Variants in ZNF804B observed in about 807,000 individuals in gnomAD.
ZNF804B encodes the protein zinc finger protein 804B, also known as zinc finger 804B.
A neutral mutation model predicts 101.4 loss-of-function variants in ZNF804B; 80 were observed. That is an observed-to-expected ratio of 0.79 (90% CI 0.66 to 0.95). ZNF804B has a LOEUF of 0.95. Ranked by LOEUF, ZNF804B falls within the 40% of genes least tolerant of loss-of-function variation. The pLI is 0.00. For synonymous variants in ZNF804B, 622 were observed against 558.8 expected, an observed-to-expected ratio of 1.11 and a Z score of -1.59; for missense variants, 1,673 against 1,561.9, an observed-to-expected ratio of 1.07 and a Z score of -1.20.
intron 1 of ZNF804B, among the ~76,000 whole-genome samples, chr7:88,924,378 C>G (rs928822028): frequency 2.0e-5 from 3 of 152,032 alleles, no homozygotes; most frequent in Non-Finnish European, 2.9e-5. Flanking sequence ...TTCCCTGTGT[C>G]TGATTTTCCT....
At chr7:88,990,282 A>T (rs1385746153) in intron 1 of ZNF804B, among the ~76,000 whole-genome samples, 1 of 152,006 alleles carries the variant, frequency 6.6e-6, no homozygotes, top group Non-Finnish European at 1.5e-5. Context: ...TTACATAATT[A>T]TTATGAATTA....
intron 2 of ZNF804B, among the ~76,000 whole-genome samples, chr7:89,236,051 A>G (rs535578522): frequency 9.9e-5 from 15 of 152,184 alleles, no homozygotes; most frequent in Non-Finnish European, 2.2e-4. Flanking sequence ...ACATCAAGTT[A>G]TAATGCTTAG....
intron 1 of ZNF804B, among the ~76,000 whole-genome samples, chr7:88,802,477 G>C (rs1396890289): frequency 6.7e-6 from 1 of 149,772 alleles, no homozygotes; most frequent in Non-Finnish European, 1.5e-5. Flanking sequence ...ACTAATTGTA[G>C]TAAAGTTTCC....
chr7:88,773,791 AG>A (rs1790104248), intron 1 of ZNF804B, among the ~76,000 whole-genome samples: 2 of 151,984 alleles, frequency 1.3e-5, no homozygotes, highest in Non-Finnish European at 2.9e-5. Context: ...TGGCCAGAAC[AG>A]GGGCAAGAAA....
chr7:88,795,352 T>TA (rs1790463107), intron 1 of ZNF804B, among the ~76,000 whole-genome samples: 1 of 150,280 alleles, frequency 6.7e-6, no homozygotes, highest in Non-Finnish European at 1.5e-5. Flanking sequence ...TCTATAACTT[T>TA]TAAAAAAAAA....
rs115225734 is a variant in ZNF804B, at chr7:88,923,493, A to C, written c.108+163409A>C. Among the ~76,000 whole-genome samples the C allele has an allele frequency of 2.6e-3, 399 of 152,276 alleles. 1 individual carries two copies. Among genetic ancestry groups the C allele is most frequent in the African/African-American group, 9.1e-3 (380 of 41,572 alleles). On this transcript the variant is annotated intron_variant, in intron 1 of 3. Transcript: ENST00000333190. ...ATGAAGACTGTGTTTATCAAAGACA[A>C]AGTAACTGATTCAACTTGTTCAAAA...
intron 1 of ZNF804B, among the ~76,000 whole-genome samples, chr7:88,851,359 A>G (rs968958491): frequency 1.3e-5 from 2 of 152,116 alleles, no homozygotes; most frequent in Non-Finnish European, 2.9e-5. Flanking sequence ...AAAAGAAGTG[A>G]TAAAATCTTA....
At chr7:88,926,477 C>G (rs1276189232) in intron 1 of ZNF804B, among the ~76,000 whole-genome samples, 4 of 150,448 alleles carry the variant, frequency 2.7e-5, no homozygotes, top group Non-Finnish European at 5.9e-5. Flanking sequence ...TGCCTGTAGT[C>G]CCAGTTACTC....
intron 1 of ZNF804B, among the ~76,000 whole-genome samples, chr7:89,104,332 T>G (rs71557026): frequency 0.094 from 14,362 of 152,084 alleles, 1,104 homozygotes; most frequent in African/African-American, 0.21. Context: ...TTCATACACC[T>G]GGTAAAATTC....
intron 1 of ZNF804B, among the ~76,000 whole-genome samples, chr7:89,016,912 A>G (rs1788573750): frequency 6.6e-6 from 1 of 152,204 alleles, no homozygotes; most frequent in Admixed American, 6.6e-5. Context: ...CATTGAATCT[A>G]TAAATTACCT....
At chr7:89,074,026 TG>T (rs1789580661) in intron 1 of ZNF804B, among the ~76,000 whole-genome samples, 1 of 152,026 alleles carries the variant, frequency 6.6e-6, no homozygotes, top group South Asian at 2.1e-4. Context: ...TTATAGAGGA[TG>T]GGGTGGGAGG....
chr7:88,792,010 T>C (rs1790389372), intron 1 of ZNF804B, among the ~76,000 whole-genome samples: 1 of 152,074 alleles, frequency 6.6e-6, no homozygotes, highest in African/African-American at 2.4e-5. Context: ...TGATAGGGGC[T>C]GTTGGCTGCG....
intron 2 of ZNF804B, among the ~76,000 whole-genome samples, chr7:89,290,856 T>C (rs188776684): frequency 7.2e-5 from 11 of 152,268 alleles, no homozygotes; most frequent in African/African-American, 2.6e-4. Flanking sequence ...CTGTGCTGGC[T>C]TCAAGTAAGA....
chr7:88,783,936 T>G (rs1790264486), intron 1 of ZNF804B, among the ~76,000 whole-genome samples: 1 of 152,176 alleles, frequency 6.6e-6, no homozygotes, highest in South Asian at 2.1e-4. Flanking sequence ...ATACATTTAA[T>G]GAATATACAT....
At chr7:88,894,950 C>T (rs1046015021) in intron 1 of ZNF804B, among the ~76,000 whole-genome samples, 4 of 152,034 alleles carry the variant, frequency 2.6e-5, no homozygotes, top group African/African-American at 9.7e-5. Context: ...TTAAAAACTT[C>T]TAGAACTCTA....
At chr7:88,840,631 T>C (rs1166572524) in intron 1 of ZNF804B, among the ~76,000 whole-genome samples, 1 of 152,172 alleles carries the variant, frequency 6.6e-6, no homozygotes, top group African/African-American at 2.4e-5. Flanking sequence ...TTAAACCATT[T>C]TCTATCAGAT....
chr7:89,337,953 A>C lies in ZNF804B; in HGVS notation c.*921A>C, dbSNP rs1376529561. On this transcript the variant is annotated 3_prime_UTR_variant, in exon 4 of 4. Coordinates refer to ENST00000333190, the MANE Select transcript of ZNF804B (RefSeq NM_181646.5). Reference sequence around the variant, plus strand: ...GGTTTGAAAATGTCAGTGTTTTTACATGTTTATTGAGGATATCTTATTAAA... The same window carrying C: ...GGTTTGAAAATGTCAGTGTTTTTACCTGTTTATTGAGGATATCTTATTAAA... Among the ~76,000 whole-genome samples the C allele has an allele frequency of 6.6e-6, 1 of 152,078 alleles. No individual in the cohort carries two copies. The highest frequency in any genetic ancestry group is 1.5e-5 in the Non-Finnish European group (1 of 67,962).
chr7:88,817,255 T>C (rs182473271), intron 1 of ZNF804B, among the ~76,000 whole-genome samples: 9 of 152,116 alleles, frequency 5.9e-5, no homozygotes, highest in Non-Finnish European at 8.8e-5. Flanking sequence ...GGGGGAGGGA[T>C]AGCATTGGGA....
chr7:89,264,892 A>G (rs114620964), intron 2 of ZNF804B, among the ~76,000 whole-genome samples: 97 of 152,254 alleles, frequency 6.4e-4, no homozygotes, highest in African/African-American at 2.1e-3. Flanking sequence ...GTTACTCTGT[A>G]TTACCTTTTT....
Sources: gnomAD v4.1 joint callset for allele counts (sites outside exome capture counted in the v4.1 genomes callset) on GRCh38, gnomAD v4.1.1 for gene constraint, MANE v1.5 for transcripts, NCBI Gene and HGNC (gene_info 2026-07-23, HGNC 2026-07-21) for gene names.